The following FAM133A variants were observed in gnomAD, a reference collection of about 807,000 sequenced individuals.
FAM133A encodes the protein family with sequence similarity 133 member A.
For missense variants in FAM133A, 159 were observed against 164.4 expected, an observed-to-expected ratio of 0.97 and a Z score of 0.18; for synonymous variants, 65 against 58.6, an observed-to-expected ratio of 1.11 and a Z score of -0.50.
intron 3 of FAM133A, among the ~76,000 whole-genome samples, chrX:93,702,191 C>A (rs1245826920): frequency 1.8e-5 from 2 of 111,610 alleles, no homozygotes; most frequent in Non-Finnish European, 3.8e-5. Flanking sequence ...TAAGCACACC[C>A]AGTGCCAAGG....
intron 3 of FAM133A, among the ~76,000 whole-genome samples, chrX:93,702,926 G>A (rs1405210347): frequency 9.6e-6 from 1 of 103,915 alleles, no homozygotes; most frequent in Admixed American, 1.1e-4. Flanking sequence ...TGTGGCTCAC[G>A]CCTGTAATCC....
intron 2 of FAM133A, among the ~76,000 whole-genome samples, chrX:93,697,186 T>TA (rs201830829): frequency 1.3e-5 from 1 of 75,685 alleles, no homozygotes; most frequent in Admixed American, 1.7e-4. Flanking sequence ...TATATATATA[T>TA]ATATAATATA....
At chrX:93,700,712 T>C (rs1926637281) in intron 3 of FAM133A, among the ~76,000 whole-genome samples, 1 of 111,770 alleles carries the variant, frequency 8.9e-6, no homozygotes, top group African/African-American at 3.2e-5. Context: ...GAAATGTACA[T>C]ATACATAGAC....
chrX:93,675,670 C>G (rs1372194740), intron 2 of FAM133A, among the ~76,000 whole-genome samples: 3 of 111,356 alleles, frequency 2.7e-5, no homozygotes, highest in Non-Finnish European at 5.7e-5. Context: ...TTGCCAAACT[C>G]TCTGCAGAAT....
chrX:93,689,535 TG>T (rs1438514545), intron 2 of FAM133A, among the ~76,000 whole-genome samples: 1 of 111,836 alleles, frequency 8.9e-6, no homozygotes, highest in South Asian at 3.7e-4. Flanking sequence ...TATATAAATT[TG>T]TTTTTTTAAA....
intron 2 of FAM133A, among the ~76,000 whole-genome samples, chrX:93,684,642 A>G (rs113434156): frequency 0.077 from 8,590 of 112,077 alleles, 330 homozygotes; most frequent in South Asian, 0.18. Flanking sequence ...TCATTCACAT[A>G]GAAAAATGTC....
chrX:93,686,332 C>T (rs867336863), intron 2 of FAM133A, among the ~76,000 whole-genome samples: 5 of 110,862 alleles, frequency 4.5e-5, no homozygotes, highest in South Asian at 7.6e-4. Context: ...AACATACCCA[C>T]ATTTACCACT....
At chrX:93,701,453 T>C (rs910724347) in intron 3 of FAM133A, among the ~76,000 whole-genome samples, 2 of 111,619 alleles carry the variant, frequency 1.8e-5, no homozygotes, top group African/African-American at 6.5e-5. Context: ...GGTGTATTTT[T>C]ATATAAGTAG....
At chrX:93,706,482 C>T (rs748989011) in intron 3 of FAM133A, among the ~76,000 whole-genome samples, 21 of 111,831 alleles carry the variant, frequency 1.9e-4, no homozygotes, top group Non-Finnish European at 3.0e-4. Context: ...TATCACTCAG[C>T]GACTGCCAGT....
At chrX:93,709,140 C>G (rs1388893842) in intron 3 of FAM133A, among the ~76,000 whole-genome samples, 177 bp from the exon 4 acceptor site, 1 of 111,354 alleles carries the variant, frequency 9.0e-6, no homozygotes, top group Non-Finnish European at 1.9e-5. Context: ...TATGTTTATA[C>G]CACAGTGTCT....
chrX:93,692,831 C>T (rs1483278823), intron 2 of FAM133A, among the ~76,000 whole-genome samples: 2 of 111,314 alleles, frequency 1.8e-5, no homozygotes, highest in Admixed American at 9.6e-5. Context: ...TCAGCATTTC[C>T]TAGCACAGTG....
Sources: allele counts gnomAD v4.1 joint callset (sites outside exome capture counted in the v4.1 genomes callset), GRCh38; gene constraint gnomAD v4.1.1; transcripts MANE v1.5; gene names NCBI Gene and HGNC (gene_info 2026-07-23, HGNC 2026-07-21).